Variants in GPHN observed in about 807,000 individuals in gnomAD.
GPHN encodes gephyrin.
GPHN carries 17 observed loss-of-function variants against 95.5 expected under a neutral mutation model. The observed-to-expected ratio is 0.18, with a 90% confidence interval of 0.12 to 0.27. The LOEUF (loss-of-function observed/expected upper bound fraction) is 0.27, where lower values mean the gene tolerates loss of function less well. Among genes scored for constraint, GPHN ranks in the 10% least tolerant of loss-of-function variants. The pLI, the probability that GPHN is intolerant of heterozygous loss-of-function variation, is 1.00. For synonymous variants in GPHN, 320 were observed against 322.5 expected, an observed-to-expected ratio of 0.99 and a Z score of 0.08; for missense variants, 660 against 978.1, an observed-to-expected ratio of 0.67 and a Z score of 4.34.
At chr14:66,890,812 A>C (rs1027859296) in intron 5 of GPHN, among the ~76,000 whole-genome samples, 6 of 151,732 alleles carry the variant, frequency 4.0e-5, no homozygotes, top group Non-Finnish European at 7.4e-5. Context: ...GGAAAAAAAA[A>C]CCCATGTGAT....
chr14:67,128,686 C>G (rs911172693), intron 17 of GPHN, among the ~76,000 whole-genome samples: 2 of 152,098 alleles, frequency 1.3e-5, no homozygotes, highest in African/African-American at 4.8e-5. Flanking sequence ...CCTCTAATCC[C>G]AGCACTTTGG....
chr14:66,903,292 G>A (rs567405042), intron 5 of GPHN, among the ~76,000 whole-genome samples: 1 of 152,202 alleles, frequency 6.6e-6, no homozygotes, highest in East Asian at 1.9e-4. Flanking sequence ...TGGGTGCACA[G>A]ATATTTATAA....
intron 1 of GPHN, among the ~76,000 whole-genome samples, chr14:66,552,482 T>C (rs965700197): frequency 6.6e-6 from 1 of 152,214 alleles, no homozygotes; most frequent in East Asian, 1.9e-4. Flanking sequence ...GAAACAGTTT[T>C]TGTGTTTACC....
At chr14:67,599,877 G>A in the GPHN span, 14 of 616,478 alleles carry the variant, frequency 2.3e-5, no homozygotes, top group Non-Finnish European at 3.4e-5. Flanking sequence ...GCGGAATATC[G>A]TCCCCAGAAC....
At chr14:67,651,671 A>AATGTTAAACTGAGAC in the GPHN span, 2 of 465,116 alleles carry the variant, frequency 4.3e-6, no homozygotes, top group South Asian at 7.7e-5. Flanking sequence ...ACCTCACAGA[A>AATGTTAAACTGAGAC]ATGTTAAACT....
At chr14:67,263,755 T>C in the GPHN span, among the ~76,000 whole-genome samples, 1 of 152,216 alleles carries the variant, frequency 6.6e-6, no homozygotes. Context: ...TGAGAAGATA[T>C]ATAGGAAACT....
the GPHN span, chr14:67,660,159 A>T: frequency 2.4e-6 from 1 of 409,546 alleles, no homozygotes; most frequent in East Asian, 4.2e-5. Context: ...AATGAATGGA[A>T]AAACAGAAGT....
chr14:67,467,528 TCTC>T, the GPHN span, among the ~76,000 whole-genome samples: 1 of 152,194 alleles, frequency 6.6e-6, no homozygotes, highest in African/African-American at 2.4e-5. Flanking sequence ...ATTTCACAGC[TCTC>T]CTCCACTAGG....
At chr14:67,276,730 C>T in the GPHN span, among the ~76,000 whole-genome samples, 1 of 152,068 alleles carries the variant, frequency 6.6e-6, no homozygotes, top group Non-Finnish European at 1.5e-5. Context: ...CAGATTACTA[C>T]CAGGTTATAG....
the GPHN span, among the ~76,000 whole-genome samples, chr14:67,296,767 C>T: frequency 1.3e-5 from 2 of 152,108 alleles, no homozygotes; most frequent in Middle Eastern, 3.4e-3. Flanking sequence ...CAGAGTCTTG[C>T]TCTGTCACCC....
chr14:66,757,675 C>G (rs2058613891), intron 2 of GPHN, among the ~76,000 whole-genome samples: 1 of 152,212 alleles, frequency 6.6e-6, no homozygotes, highest in Admixed American at 6.5e-5. Context: ...CAGGCGTGAG[C>G]CACCACACCT....
At chr14:67,600,929 G>C in the GPHN span, among the ~76,000 whole-genome samples, 3 of 152,194 alleles carry the variant, frequency 2.0e-5, no homozygotes, top group Non-Finnish European at 4.4e-5. Context: ...ATTTCTCTAA[G>C]CCAGAGTGAG....
At chr14:67,262,693 A>G in the GPHN span, among the ~76,000 whole-genome samples, 1 of 152,184 alleles carries the variant, frequency 6.6e-6, no homozygotes, top group Non-Finnish European at 1.5e-5. Flanking sequence ...TCTAACTCAG[A>G]AACCTTTAGT....
chr14:67,490,737 G>T, the GPHN span, among the ~76,000 whole-genome samples: 1 of 152,060 alleles, frequency 6.6e-6, no homozygotes, highest in African/African-American at 2.4e-5. Context: ...TAACACTGGA[G>T]CCAGAAAGCA....
At chr14:67,279,797 A>G in the GPHN span, 1 of 368,962 alleles carries the variant, frequency 2.7e-6, no homozygotes, top group Non-Finnish European at 4.8e-6. Context: ...GGGCCCTAAC[A>G]TTTAAAGCCT....
At chr14:67,225,657 CT>C in the GPHN span, among the ~76,000 whole-genome samples, 1 of 152,128 alleles carries the variant, frequency 6.6e-6, no homozygotes, top group Non-Finnish European at 1.5e-5. Flanking sequence ...CGTAGAGTGC[CT>C]GCAGGGCTGT....
the GPHN span, among the ~76,000 whole-genome samples, chr14:67,608,021 G>C: frequency 4.8e-3 from 735 of 152,142 alleles, 35 homozygotes; most frequent in East Asian, 0.082. Flanking sequence ...AGGATTCCTT[G>C]AGCCCGAGAG....
chr14:66,751,335 C>T (rs2058355646), intron 2 of GPHN, among the ~76,000 whole-genome samples: 1 of 152,052 alleles, frequency 6.6e-6, no homozygotes, highest in South Asian at 2.1e-4. Context: ...TCTGTTTTCT[C>T]TGCAACCTCA....
the GPHN span, among the ~76,000 whole-genome samples, chr14:67,196,535 A>G: frequency 6.6e-6 from 1 of 152,088 alleles, no homozygotes; most frequent in Non-Finnish European, 1.5e-5. Context: ...AGCTTTCTTA[A>G]TCTTACTAGA....
Sources: allele counts gnomAD v4.1 joint callset (sites outside exome capture counted in the v4.1 genomes callset), GRCh38; gene constraint gnomAD v4.1.1; transcripts MANE v1.5; gene names NCBI Gene and HGNC (gene_info 2026-07-23, HGNC 2026-07-21).